Variants in POLA1 observed in about 807,000 individuals in gnomAD.
The protein encoded by POLA1 is DNA polymerase alpha 1, catalytic subunit.
A neutral mutation model predicts 124.0 loss-of-function variants in POLA1; 15 were observed. The observed-to-expected ratio is 0.12, with a 90% confidence interval of 0.08 to 0.19. POLA1 has a LOEUF of 0.19. Among genes scored for constraint, POLA1 ranks in the 10% least tolerant of loss-of-function variants. The pLI is 1.00. For missense variants in POLA1, 886 were observed against 1,103.4 expected (o/e 0.80, Z 2.79); for synonymous variants, 408 against 389.4 (o/e 1.05, Z -0.56).
At chrX:24,787,305 C>CT (rs778360714) in intron 26 of POLA1, among the ~76,000 whole-genome samples, 5 of 111,606 alleles carry the variant, frequency 4.5e-5, no homozygotes, top group African/African-American at 1.3e-4. Context: ...TGTCAGGGAG[C>CT]TTTTTTTCCC....
chrX:24,968,031 T>G (rs1364368543), intron 36 of POLA1, among the ~76,000 whole-genome samples: 1 of 111,967 alleles, frequency 8.9e-6, no homozygotes, highest in African/African-American at 3.3e-5. Context: ...CCCCATTAAT[T>G]TAAAATTCTG....
chrX:24,712,819 TAA>T (rs1929551835), intron 4 of POLA1, among the ~76,000 whole-genome samples: 1 of 112,462 alleles, frequency 8.9e-6, no homozygotes, highest in South Asian at 3.6e-4. Flanking sequence ...CACTACTTAA[TAA>T]AGTCCATCTT....
chrX:24,873,433 ATAATAG>A lies in POLA1; in HGVS notation c.4048-14563_4048-14558del, dbSNP rs1392125603. Among the ~76,000 whole-genome samples the A allele has an allele frequency of 2.7e-5, 3 of 112,157 alleles. No homozygotes were observed. The East Asian group carries it at 8.3e-4, about 31-fold the overall frequency. On this transcript the variant is annotated intron_variant, in intron 34 of 36. Coordinates refer to ENST00000379068, the MANE Select transcript of POLA1 (RefSeq NM_001330360.2). Reference sequence around the variant, plus strand: ...ATACAAGGATATTGCTTGCAGCGTTATAATAGTAATAGTAAGAGACTGAAGACAACC... The same window carrying A: ...ATACAAGGATATTGCTTGCAGCGTTATAATAGTAAGAGACTGAAGACAACC...
intron 34 of POLA1, among the ~76,000 whole-genome samples, chrX:24,878,504 G>A (rs985738970): frequency 1.3e-4 from 14 of 110,988 alleles, no homozygotes; most frequent in Non-Finnish European, 1.7e-4. Context: ...GGGAGAGGGC[G>A]TGGGGAACAA....
chrX:24,732,636 G>A (rs1453995843), intron 16 of POLA1, among the ~76,000 whole-genome samples, 182 bp downstream of exon 16: 2 of 67,599 alleles, frequency 3.0e-5, no homozygotes, highest in Admixed American at 3.7e-4. Context: ...AAGTTTTATT[G>A]GGTTGGTTGC....
At chrX:24,790,994 A>G (rs56045922) in intron 26 of POLA1, among the ~76,000 whole-genome samples, 7,038 of 106,219 alleles carry the variant, frequency 0.066, 267 homozygotes, top group Non-Finnish European at 0.1. Context: ...AAGAACTTTC[A>G]GAGGTTCTAA....
intron 36 of POLA1, among the ~76,000 whole-genome samples, chrX:24,958,893 A>G (rs2048138097): frequency 9.0e-6 from 1 of 111,199 alleles, no homozygotes; most frequent in Non-Finnish European, 1.9e-5. Context: ...CACACCAAGG[A>G]CTCCAAGTCT....
At chrX:24,948,535 G>A (rs1049523710) in intron 36 of POLA1, among the ~76,000 whole-genome samples, 3 of 111,278 alleles carry the variant, frequency 2.7e-5, no homozygotes, top group African/African-American at 6.5e-5. Flanking sequence ...ATAAATAAGC[G>A]TGATAAACCA....
intron 36 of POLA1, among the ~76,000 whole-genome samples, chrX:24,953,278 ATTG>A (rs1319432818): frequency 8.9e-6 from 1 of 111,905 alleles, no homozygotes; most frequent in Non-Finnish European, 1.9e-5. Context: ...GGTGTCTATT[ATTG>A]TTCTATGTTA....
At chrX:24,702,582 G>C (rs937570439) in intron 2 of POLA1, among the ~76,000 whole-genome samples, 9 of 112,189 alleles carry the variant, frequency 8.0e-5, no homozygotes, top group African/African-American at 2.3e-4. Context: ...TATGATTGGA[G>C]GACCTGCCAC....
intron 30 of POLA1, 41 bp downstream of exon 30, chrX:24,815,152 T>G: frequency 1.7e-6 from 2 of 1,144,251 alleles, no homozygotes; most frequent in Non-Finnish European, 1.2e-6. Flanking sequence ...TGCTGTCATG[T>G]GTTTTTCACC....
intron 18 of POLA1, 27 bp from the exon 19 acceptor site, chrX:24,737,598 T>G: frequency 1.4e-6 from 1 of 727,034 alleles, no homozygotes; most frequent in Middle Eastern, 2.9e-4. Context: ...GTTATAACAT[T>G]ATCAGCTGCC....
chrX:24,788,319 C>A, intron 26 of POLA1: 1 of 1,009,974 alleles, frequency 9.9e-7, no homozygotes. Flanking sequence ...TAAGGATGCC[C>A]ACTTTTACTA....
chrX:24,925,801 G>T (rs1418038332), intron 35 of POLA1, among the ~76,000 whole-genome samples: 2 of 111,519 alleles, frequency 1.8e-5, no homozygotes, highest in Non-Finnish European at 3.8e-5. Flanking sequence ...GCCCAGGCTG[G>T]AGTGCAGTGG....
chrX:24,697,942 ATTTTTTT>A (rs563410574), intron 1 of POLA1, among the ~76,000 whole-genome samples: 1 of 99,964 alleles, frequency 1.0e-5, no homozygotes, highest in Non-Finnish European at 2.1e-5. Flanking sequence ...CTGTGGATGA[ATTTTTTT>A]TTTTTTTTTT....
intron 34 of POLA1, among the ~76,000 whole-genome samples, chrX:24,868,012 T>A (rs2147108403): frequency 8.9e-6 from 1 of 112,105 alleles, no homozygotes; most frequent in East Asian, 2.8e-4. Context: ...TTCACTCTAT[T>A]ATTTTCTCCT....
intron 26 of POLA1, among the ~76,000 whole-genome samples, chrX:24,766,489 AG>A (rs1932906088): frequency 8.9e-6 from 1 of 112,296 alleles, no homozygotes; most frequent in South Asian, 3.7e-4. Flanking sequence ...AGATTTCTGA[AG>A]AAAGGTGAAG....
chrX:24,967,994 C>CT (rs899315940), intron 36 of POLA1, among the ~76,000 whole-genome samples: 2 of 111,529 alleles, frequency 1.8e-5, no homozygotes, highest in Non-Finnish European at 3.8e-5. Context: ...TTTACCTGTC[C>CT]TTTTTTTCCT....
intron 35 of POLA1, among the ~76,000 whole-genome samples, chrX:24,890,089 T>A (rs2047123847): frequency 1.9e-3 from 2 of 1,032 alleles, no homozygotes; most frequent in South Asian, 0.019. Context: ...TTCAGTACGA[T>A]TTTTTTTTTT....
Sources: allele counts gnomAD v4.1 joint callset (sites outside exome capture counted in the v4.1 genomes callset), GRCh38; gene constraint gnomAD v4.1.1; transcripts MANE v1.5; gene names NCBI Gene and HGNC (gene_info 2026-07-23, HGNC 2026-07-21).